SGSH: variants seen among roughly 807,000 people sequenced by gnomAD.
The protein encoded by SGSH is N-sulfoglucosamine sulfohydrolase.
SGSH carries 48 observed loss-of-function variants against 51.0 expected under a neutral mutation model. The observed-to-expected ratio is 0.94, with a 90% CI of 0.75 to 1.20. The LOEUF is 1.20. Among genes scored for constraint, SGSH ranks in the 50% most tolerant of loss-of-function variants. SGSH has a pLI of 0.00. For synonymous variants in SGSH, 321 were observed against 313.4 expected (o/e 1.02, Z -0.26); for missense variants, 662 against 717.8 (o/e 0.92, Z 0.89).
At position 80,213,551 on chromosome 17, in the gene SGSH, GAA is replaced by G. The variant is rs2041757214; in HGVS notation, c.745+251_745+252del. The G allele has an allele frequency of 1.7e-6, 1 of 575,128 alleles. No homozygotes were observed. Among genetic ancestry groups the G allele is most frequent in the African/African-American group, 1.9e-5 (1 of 53,550 alleles). 35.6% of individuals were successfully genotyped at this position (575,128 alleles called of 1,614,324 possible). On this transcript the variant is annotated intron_variant, in intron 6 of 7. Coordinates refer to ENST00000326317, the MANE Select transcript of SGSH (RefSeq NM_000199.5). This position sits in a 1 kb window ranked among gnomAD's most constrained non-coding sequence, Gnocchi z 4.6. ...CCAGGTCCTGTGACTGGAAATATCT[GAA>G]GTCTTCACGCAACCTCTGGGGCACC... is the stretch of plus-strand genomic sequence containing the variant.
At chr17:80,214,823 C>T in intron 3 of SGSH, 58 bp from the exon 4 acceptor site, 1 of 1,584,302 alleles carries the variant, frequency 6.3e-7, no homozygotes, top group Non-Finnish European at 8.6e-7. Flanking sequence ...CTTTCTGCTC[C>T]CTTCTCTGCC....
rs2041539020 is a variant in SGSH, at chr17:80,209,523, A to AC, written c.*928dup. ...ACGGCACATTCTCCCAGCAACGCCG[A>AC]CGTCATCCAAGAATTAACCCAAGCC... On this transcript the variant is annotated 3_prime_UTR_variant, in exon 8 of 8. Coordinates refer to ENST00000326317, the MANE Select transcript of SGSH (RefSeq NM_000199.5). 1.0e-6 allele frequency: 1 copy of AC among 985,148 alleles called. No individual in the cohort carries two copies. The highest frequency in any genetic ancestry group is 6.2e-5 in the Admixed American group (1 of 16,222). The allele number at this position is 985,148 out of a possible 1,614,324, so 61.0% of individuals were successfully genotyped here.
Position 80,213,639 on chromosome 17 carries a change from C to T in SGSH, c.745+165G>A, listed in dbSNP as rs1567920610. On this transcript the variant is annotated intron_variant, in intron 6 of 7. Coordinates refer to ENST00000326317, the MANE Select transcript of SGSH (RefSeq NM_000199.5). This position sits in a 1 kb window ranked among gnomAD's most constrained non-coding sequence, Gnocchi z 4.6. ...GCAGCCCCGGGGTTGGGTCCTGATG[C>T]CACCCACAGGCCCCTCCTCTCAATG... The T allele has an allele frequency of 2.9e-6, 2 of 685,158 alleles. No individual in the cohort carries two copies. Among genetic ancestry groups the T allele is most frequent in the Non-Finnish European group, 5.0e-6 (2 of 398,352 alleles). The allele number at this position is 685,158 out of a possible 1,614,324, so 42.4% of individuals were successfully genotyped here. A position where few individuals can be genotyped will look rare whatever the true frequency, so the allele number is the denominator to read the frequency against.
At chr17:80,208,258 C>A (rs755632854), downstream of SGSH, 13 of 1,587,986 alleles carry the variant, frequency 8.2e-6, no homozygotes, top group Non-Finnish European at 1.0e-5. Context: ...ACGGCTGGAG[C>A]GACCTGGACG....
chr17:80,217,311 C>T, intron 1 of SGSH, 119 bp from the exon 2 acceptor site: 1 of 1,204,908 alleles, frequency 8.3e-7, no homozygotes. Context: ...GGGCATGGTA[C>T]TGGCTCAGTG....
At chr17:80,201,978 AAG>A, downstream of SGSH, 2 of 1,428,426 alleles carry the variant, frequency 1.4e-6, no homozygotes, top group Non-Finnish European at 1.9e-6. The surrounding 1 kb of genome is among the most constrained non-coding windows in gnomAD (Gnocchi z 5.0). Context: ...CCCCAGAGCC[AAG>A]AGAGGATCAG....
In SGSH at chr17:80,215,014, C is replaced by T; in HGVS notation, c.355+19G>A. ...TCTGTGCCTCACCCCACGCCCTGTC[C>T]TCGGCACGGGGTCCTCACCTGTGCG... is the stretch of plus-strand genomic sequence containing the variant. On this transcript the variant is annotated intron_variant, in intron 3 of 7. Transcript: ENST00000326317. 6.3e-7 allele frequency: 1 copy of T among 1,599,736 alleles called. No homozygotes were observed. The highest frequency in any genetic ancestry group is 1.3e-5 in the African/African-American group (1 of 74,900).
At chr17:80,202,297 G>A (rs2041024955), downstream of SGSH, 1 of 1,613,700 alleles carries the variant, frequency 6.2e-7, no homozygotes, top group South Asian at 1.1e-5. Context: ...CAGGTGCATT[G>A]CAACGAGGTC....
chr17:80,208,324 G>A (rs758865360), downstream of SGSH: 40 of 1,602,906 alleles, frequency 2.5e-5, no homozygotes, highest in Non-Finnish European at 3.1e-5. Context: ...AGGTGGTGTG[G>A]ACGGAGCAGA....
intron 2 of SGSH, chr17:80,216,739 T>C (rs1324534254): frequency 2.1e-6 from 1 of 483,152 alleles, no homozygotes. Flanking sequence ...CCAATCTCCA[T>C]AACTAGAGTG....
At chr17:80,204,623 T>A, downstream of SGSH, 1 of 334,472 alleles carries the variant, frequency 3.0e-6, no homozygotes, top group Non-Finnish European at 5.5e-6. Flanking sequence ...AAACTCTGTC[T>A]CAGGAAAAAA....
chr17:80,210,664 G>C lies in SGSH; in HGVS notation c.1297C>G (p.Arg433Gly). The C allele has an allele frequency of 6.2e-7, 1 of 1,613,938 alleles. No individual in the cohort carries two copies. The highest frequency in any genetic ancestry group is 8.5e-7 in the Non-Finnish European group (1 of 1,179,918). The change falls in exon 8 of 8, where the codon CGG (arginine) becomes GGG (glycine). Residue 433 changes from arginine (R) to glycine (G), a missense_variant. Physicochemically the swap from Arg to Gly is moderately radical, Grantham distance 125. Transcript: ENST00000326317. Reference protein sequence around the residue: ...WYKDLRHYYYRARWELYDRSR... With the variant: ...WYKDLRHYYYGARWELYDRSR... ...CGGTCGTAGAGCTCCCAGCGCGCCC[G>C]GTAGTAGTAATGACGGAGGTCCTTG...
chr17:80,201,634 C>A, the SGSH span: 1 of 1,160,234 alleles, frequency 8.6e-7, no homozygotes, highest in Non-Finnish European at 1.3e-6. This position sits in a 1 kb window ranked among gnomAD's most constrained non-coding sequence, Gnocchi z 5.0. Context: ...GGCAGTGGTC[C>A]TACGGCAGGG....
Position 80,217,044 on chromosome 17 carries a change from A to G in SGSH, c.237T>C (p.Thr79=), listed in dbSNP as rs758007069. 1 of 1,581,594 alleles carries G rather than the reference A, an allele frequency of 6.3e-7. No individual in the cohort carries two copies. Among genetic ancestry groups the G allele is most frequent in the Admixed American group, 1.8e-5 (1 of 55,142 alleles). The part of the protein sequence containing the change: ...SCSPSRASLL[T]GLPQHQNGMY... The stretch of plus-strand genomic sequence containing the variant: ...CCTTGCACCTCACCTGGGGCAGGCC[A>G]GTGAGGAGGCTGGCGCGGCTGGGAG... The change falls in exon 2 of 8, where the codon ACT becomes ACC. Residue 79 remains threonine (T), a synonymous_variant. Transcript: ENST00000326317.
downstream of SGSH, chr17:80,203,860 C>A (rs766844994): frequency 2.5e-6 from 4 of 1,596,308 alleles, no homozygotes; most frequent in Admixed American, 3.5e-5. This position sits in a 1 kb window ranked among gnomAD's most constrained non-coding sequence, Gnocchi z 4.6. Context: ...CAGGACATGA[C>A]TCAGCAGTGC....
chr17:80,215,408 G>A (rs1263229515), intron 2 of SGSH, among the ~76,000 whole-genome samples: 1 of 152,230 alleles, frequency 6.6e-6, no homozygotes, highest in Non-Finnish European at 1.5e-5. Context: ...TTCTTTTTGC[G>A]TATCCGTACT....
In SGSH at chr17:80,217,084, G is replaced by C. The variant is rs104894637; in HGVS notation, c.197C>G (p.Ser66Trp). The C allele has an allele frequency of 1.6e-4, 249 of 1,600,772 alleles. No homozygotes were observed. Among genetic ancestry groups the C allele is most frequent in the Non-Finnish European group, 2.0e-4 (239 of 1,175,596 alleles). ...RSLLFRNAFTSVSSCSPSRAS... is the reference protein window; with the variant it reads ...RSLLFRNAFTWVSSCSPSRAS... The stretch of plus-strand genomic sequence containing the variant: ...GCGGCTGGGAGAGCAGCTGCTGACC[G>C]AGGTGAAGGCATTGCGAAAGAGGAG... Residue 66 changes from serine (S) to tryptophan (W), a missense_variant, in exon 2 of 8, where the codon TCG (serine) becomes TGG (tryptophan). Transcript: ENST00000326317.
At chr17:80,218,310 C>A (rs2041968220) in intron 1 of SGSH, among the ~76,000 whole-genome samples, 2 of 152,238 alleles carry the variant, frequency 1.3e-5, no homozygotes, top group Admixed American at 1.3e-4. Context: ...ACCCTTTCAT[C>A]CTACACAAAG....
chr17:80,211,185 T>C, intron 7 of SGSH, 174 bp from the exon 8 acceptor site: 3 of 1,486,148 alleles, frequency 2.0e-6, no homozygotes, highest in South Asian at 2.6e-5. Context: ...TGGGCCTCAG[T>C]GCCTTGAATG....
Sources: allele counts gnomAD v4.1 joint callset (sites outside exome capture counted in the v4.1 genomes callset), GRCh38; gene constraint gnomAD v4.1.1; non-coding constraint Gnocchi (gnomAD v3.1); transcripts MANE v1.5; gene names NCBI Gene and HGNC (gene_info 2026-07-23, HGNC 2026-07-21).